The following GOLPH3L variants were observed in gnomAD, a reference collection of about 807,000 sequenced individuals.
GOLPH3L encodes golgi phosphoprotein 3 like, also known as Golgi phosphoprotein 3-like.
In GOLPH3L, 22 loss-of-function variants were observed where a neutral mutation model predicts 30.3. The observed-to-expected ratio is 0.73, with a 90% CI of 0.52 to 1.04. GOLPH3L has a LOEUF of 1.04. Among genes scored for constraint, GOLPH3L ranks in the 50% least tolerant of loss-of-function variants. The probability of loss-of-function intolerance (pLI) is 0.00; values close to 1 mark genes in which losing one functional copy is unlikely to be tolerated. For synonymous variants in GOLPH3L, 120 were observed against 128.2 expected, an observed-to-expected ratio of 0.94 and a Z score of 0.43; for missense variants, 303 against 345.8, an observed-to-expected ratio of 0.88 and a Z score of 0.98.
At chr1:150,656,622 T>G (rs1445710666) in intron 4 of GOLPH3L, among the ~76,000 whole-genome samples, 2 of 152,218 alleles carry the variant, frequency 1.3e-5, no homozygotes, top group Non-Finnish European at 2.9e-5. Flanking sequence ...AATGGCTTTT[T>G]CTTTCACATA....
chr1:150,682,446 G>A (rs1418019864), intron 2 of GOLPH3L, among the ~76,000 whole-genome samples: 2 of 151,630 alleles, frequency 1.3e-5, no homozygotes, highest in Non-Finnish European at 2.9e-5. Context: ...TGGGCAACAT[G>A]GCAAAATCCC....
intron 2 of GOLPH3L, among the ~76,000 whole-genome samples, chr1:150,687,469 C>T (rs1651111139): frequency 6.6e-6 from 1 of 151,880 alleles, no homozygotes; most frequent in African/African-American, 2.4e-5. Flanking sequence ...ATCCCAGCTA[C>T]TTGGGAGGCT....
At chr1:150,664,778 A>G (rs1236473802) in intron 2 of GOLPH3L, among the ~76,000 whole-genome samples, 1 of 152,128 alleles carries the variant, frequency 6.6e-6, no homozygotes, top group African/African-American at 2.4e-5. Flanking sequence ...GATGGGAGGT[A>G]TAATAGAAAC....
At chr1:150,685,777 T>C (rs953128594) in intron 2 of GOLPH3L, among the ~76,000 whole-genome samples, 1 of 151,878 alleles carries the variant, frequency 6.6e-6, no homozygotes, top group Admixed American at 6.6e-5. Context: ...GAGGTGAAAT[T>C]ATTTGGGTCA....
At chr1:150,679,570 A>G (rs1156326504) in intron 2 of GOLPH3L, among the ~76,000 whole-genome samples, 1 of 152,218 alleles carries the variant, frequency 6.6e-6, no homozygotes, top group Non-Finnish European at 1.5e-5. Context: ...AGACCGAAGC[A>G]GGACTGCTTG....
At chr1:150,680,625 C>T (rs1650927598) in intron 2 of GOLPH3L, among the ~76,000 whole-genome samples, 1 of 151,934 alleles carries the variant, frequency 6.6e-6, no homozygotes, top group Non-Finnish European at 1.5e-5. Context: ...ATTTTCAAGT[C>T]AAAAAATAAG....
chr1:150,687,153 C>T (rs1651103653), intron 2 of GOLPH3L, among the ~76,000 whole-genome samples: 4 of 151,820 alleles, frequency 2.6e-5, no homozygotes, highest in Admixed American at 2.6e-4. Flanking sequence ...TTGTTCTTTG[C>T]TCGGCCTGCT....
At chr1:150,650,673 A>G (rs919496485) in intron 4 of GOLPH3L, among the ~76,000 whole-genome samples, 2 of 152,164 alleles carry the variant, frequency 1.3e-5, no homozygotes, top group Non-Finnish European at 2.9e-5. Context: ...ATGCACTTGA[A>G]TCATACCGAA....
At chr1:150,684,920 G>A (rs587658761) in intron 2 of GOLPH3L, among the ~76,000 whole-genome samples, 2 of 151,696 alleles carry the variant, frequency 1.3e-5, no homozygotes, top group African/African-American at 2.4e-5. Context: ...CACCCGCCTC[G>A]GCCTCCCAAA....
At chr1:150,662,057 T>G (rs1178220222) in intron 3 of GOLPH3L, 129 bp from the exon 4 acceptor site, 1 of 620,260 alleles carries the variant, frequency 1.6e-6, no homozygotes, top group Non-Finnish European at 2.9e-6. Flanking sequence ...ATACTGTCTC[T>G]GTCCTCAAGA....
At chr1:150,653,538 G>T (rs1650175351) in intron 4 of GOLPH3L, among the ~76,000 whole-genome samples, 1 of 144,380 alleles carries the variant, frequency 6.9e-6, no homozygotes, top group Non-Finnish European at 1.5e-5. Context: ...TTGGCTCACT[G>T]CAGCCACCAC....
At chr1:150,685,252 T>C (rs890302961) in intron 2 of GOLPH3L, among the ~76,000 whole-genome samples, 3 of 152,226 alleles carry the variant, frequency 2.0e-5, no homozygotes, top group Non-Finnish European at 4.4e-5. Context: ...TGATGCCTAG[T>C]TAATGTTTTT....
intron 2 of GOLPH3L, among the ~76,000 whole-genome samples, chr1:150,674,262 ATTT>A (rs150744411): frequency 6.5e-4 from 94 of 145,506 alleles, no homozygotes; most frequent in Admixed American, 8.9e-4. Flanking sequence ...GAGTGGGAGA[ATTT>A]TTTTTTTTTT....
rs1197970131 is a variant in GOLPH3L at position 150,647,251 on chromosome 1, C to T, written c.*1070G>A. 1 of 152,276 alleles carries T rather than the reference C, an allele frequency of 6.6e-6. No individual in the cohort carries two copies. Among genetic ancestry groups the T allele is most frequent in the Non-Finnish European group, 1.5e-5 (1 of 68,130 alleles). The allele number at this position is 152,276 out of a possible 1,614,324, so 9.4% of individuals were successfully genotyped here. Reference sequence around the variant, plus strand: ...GTGGCTCAAGCCAGTAATCTCAGCACTTTGGGAGGCTGAGGTGGAAGAATT... The same window carrying T: ...GTGGCTCAAGCCAGTAATCTCAGCATTTTGGGAGGCTGAGGTGGAAGAATT... On this transcript the variant is annotated 3_prime_UTR_variant, in exon 5 of 5. Transcript: ENST00000271732.
chr1:150,650,294 A>C (rs587769561), intron 4 of GOLPH3L, among the ~76,000 whole-genome samples: 1 of 127,848 alleles, frequency 7.8e-6, no homozygotes, highest in East Asian at 2.2e-4. Flanking sequence ...CCAAAAGATA[A>C]AAACAAGAAA....
chr1:150,653,753 C>T (rs2101778949), intron 4 of GOLPH3L, among the ~76,000 whole-genome samples: 1 of 149,360 alleles, frequency 6.7e-6, no homozygotes, highest in Non-Finnish European at 1.5e-5. Flanking sequence ...ACCACACCCA[C>T]TACAACTATC....
intron 2 of GOLPH3L, among the ~76,000 whole-genome samples, chr1:150,674,207 AT>A (rs141152694): frequency 0.38 from 58,238 of 151,504 alleles, 11,513 homozygotes; most frequent in South Asian, 0.55. Context: ...ATGTTTGTTA[AT>A]AAGAGCAAAA....
intron 4 of GOLPH3L, among the ~76,000 whole-genome samples, chr1:150,658,923 C>A (rs1650308566): frequency 6.6e-6 from 1 of 152,200 alleles, no homozygotes; most frequent in Admixed American, 6.5e-5. Flanking sequence ...GGACACTCTA[C>A]AAACTTGTCT....
At chr1:150,668,961 A>G (rs976042416) in intron 2 of GOLPH3L, among the ~76,000 whole-genome samples, 2 of 152,196 alleles carry the variant, frequency 1.3e-5, no homozygotes, top group East Asian at 3.8e-4. Context: ...TCAGATTGTC[A>G]ACAAAACTAT....
Sources: gnomAD v4.1 joint callset for allele counts (sites outside exome capture counted in the v4.1 genomes callset) on GRCh38, gnomAD v4.1.1 for gene constraint, MANE v1.5 for transcripts, NCBI Gene and HGNC (gene_info 2026-07-23, HGNC 2026-07-21) for gene names.